The following SURF4 variants were observed in gnomAD, a reference collection of about 807,000 sequenced individuals.
SURF4 encodes the protein surfeit 4.
In SURF4, 3 loss-of-function variants were observed where a neutral mutation model predicts 30.0. That is an observed-to-expected ratio of 0.10 (90% CI 0.05 to 0.26). SURF4 has a LOEUF of 0.26. SURF4 is among the 10% of genes least tolerant of loss of function. SURF4 has a pLI of 1.00. For synonymous variants in SURF4, 143 were observed against 139.9 expected, an observed-to-expected ratio of 1.02 and a Z score of -0.16; for missense variants, 217 against 350.8, an observed-to-expected ratio of 0.62 and a Z score of 3.05.
Position 133,366,648 on chromosome 9 carries a change from T to C in SURF4, c.263A>G (p.Asn88Ser). ...LTGCVLVLSRNFVQYACFGLF... is the reference protein window; with the variant it reads ...LTGCVLVLSRSFVQYACFGLF... ...CCCGAAGCAGGCGTACTGCACGAAG[T>C]TCCTGCTCAACACCAGGACGCAGCC... Residue 88 changes from asparagine (N) to serine (S), a missense_variant, in exon 3 of 6, where the codon AAC becomes AGC. Physicochemically the swap from Asn to Ser is conservative, Grantham distance 46 (BLOSUM62 1). Coordinates refer to ENST00000371989, the MANE Select transcript of SURF4 (RefSeq NM_033161.4). The C allele has an allele frequency of 6.2e-7, 1 of 1,613,836 alleles. No homozygotes were observed.
In SURF4 at chr9:133,362,281, A is replaced by C. The variant is rs141898333; in HGVS notation, c.*1212T>G. The C allele has an allele frequency of 6.5e-6, 1 of 152,710 alleles. No homozygotes were observed. The highest frequency in any genetic ancestry group is 1.5e-5 in the Non-Finnish European group (1 of 68,026). 9.5% of individuals were successfully genotyped at this position (152,710 alleles called of 1,614,324 possible). A position where few individuals can be genotyped will look rare whatever the true frequency, so the allele number is the denominator to read the frequency against. On this transcript the variant is annotated 3_prime_UTR_variant, in exon 6 of 6. Coordinates refer to ENST00000371989, the MANE Select transcript of SURF4 (RefSeq NM_033161.4). ...CCTTGTGGCATTTACTATGGTGCAG[A>C]CGACAGGGAGCAACAAGCAGTTAAG...
At chr9:133,364,127 A>G (rs968463723) in intron 5 of SURF4, among the ~76,000 whole-genome samples, 1 of 152,222 alleles carries the variant, frequency 6.6e-6, no homozygotes, top group Non-Finnish European at 1.5e-5. Flanking sequence ...CTTCCTGGAC[A>G]CTACCCGGCC....
At chr9:133,377,222 TAAA>T (rs34210798), upstream of SURF4, among the ~76,000 whole-genome samples, 1 of 150,840 alleles carries the variant, frequency 6.6e-6, no homozygotes, top group Non-Finnish European at 1.5e-5. Context: ...TTTTTCAGAT[TAAA>T]AAAAAATAGA....
At chr9:133,375,836 G>C (rs1837881712) in intron 1 of SURF4, 86 bp downstream of exon 1, 1 of 1,188,326 alleles carries the variant, frequency 8.4e-7, no homozygotes, top group Admixed American at 4.4e-5. Flanking sequence ...CCCGGGCCTG[G>C]CGCCCTGCGC....
rs2130236392 is a variant in SURF4 at position 133,375,388 on chromosome 9, T to C, written c.48+534A>G. The C allele has an allele frequency of 3.7e-5, 36 of 985,420 alleles. No homozygotes were observed. The African/African-American group carries it at 5.6e-4, about 15-fold the overall frequency. The allele number at this position is 985,420 out of a possible 1,614,324, so 61.0% of individuals were successfully genotyped here. On this transcript the variant is annotated intron_variant, in intron 1 of 5. Coordinates refer to ENST00000371989, the MANE Select transcript of SURF4 (RefSeq NM_033161.4). Reference sequence around the variant, plus strand: ...AAAGGGACCCCAAGAGTCCAGCACATCTGGGAAAGAGAAAAGGAAAAGGTG... The same window carrying C: ...AAAGGGACCCCAAGAGTCCAGCACACCTGGGAAAGAGAAAAGGAAAAGGTG...
At position 133,365,042 on chromosome 9, in the gene SURF4, G is replaced by A. The variant is rs2130113036; in HGVS notation, c.357-16C>T. The A allele has an allele frequency of 6.6e-7, 1 of 1,519,016 alleles. No individual in the cohort carries two copies. Among genetic ancestry groups the A allele is most frequent in the East Asian group, 2.4e-5 (1 of 41,000 alleles). 94.1% of individuals were successfully genotyped at this position (1,519,016 alleles called of 1,614,324 possible). On this transcript the variant is annotated splice_polypyrimidine_tract_variant and intron_variant, in intron 4 of 5. Coordinates refer to ENST00000371989, the MANE Select transcript of SURF4 (RefSeq NM_033161.4). Reference sequence around the variant, plus strand: ...GGCCAGGTTCCTGAGGAACAGATATGTGGGCTGGAAGCTAAGCCTCACCAG... The same window carrying A: ...GGCCAGGTTCCTGAGGAACAGATATATGGGCTGGAAGCTAAGCCTCACCAG...
upstream of SURF4, chr9:133,376,338 C>A: frequency 7.3e-7 from 1 of 1,378,552 alleles, no homozygotes; most frequent in South Asian, 1.6e-5. Context: ...ACCTGGGGGT[C>A]TGGGGCCAGC....
intron 1 of SURF4, chr9:133,375,331 G>A (rs959456780): frequency 1.0e-6 from 1 of 983,388 alleles, no homozygotes; most frequent in Non-Finnish European, 1.2e-6. Context: ...CCAGGGCAGA[G>A]TCCAAACGGG....
rs1394828402 is a variant in SURF4 at position 133,366,504 on chromosome 9, AG to A, written c.312+94del. The A allele has an allele frequency of 2.9e-6, 4 of 1,360,308 alleles. No individual in the cohort carries two copies. The African/African-American group carries it at 4.3e-5, about 15-fold the overall frequency. 84.3% of individuals were successfully genotyped at this position (1,360,308 alleles called of 1,614,324 possible). On this transcript the variant is annotated intron_variant, in intron 3 of 5. Coordinates refer to ENST00000371989, the MANE Select transcript of SURF4 (RefSeq NM_033161.4). ...CAGTCAGAGACATGCAGGGGGCTGAAGGGGGAGTGACACTGAACCCTCAAGG... is the reference window on the plus strand; with the variant it reads ...CAGTCAGAGACATGCAGGGGGCTGAAGGGGAGTGACACTGAACCCTCAAGG...
At chr9:133,364,716 C>G in intron 5 of SURF4, 124 bp downstream of exon 5, 2 of 892,322 alleles carry the variant, frequency 2.2e-6, no homozygotes, top group South Asian at 3.6e-5. Context: ...AAAGTTTGCT[C>G]CATTTCAGCA....
chr9:133,376,245 C>T (rs2130246245), upstream of SURF4: 67 of 1,299,986 alleles, frequency 5.2e-5, no homozygotes, highest in Middle Eastern at 1.5e-3. Context: ...CCACGCCTCT[C>T]ACGCTGGAGG....
Position 133,363,838 on chromosome 9 carries a change from G to T in SURF4, c.544-79C>A. On this transcript the variant is annotated intron_variant, in intron 5 of 5. Coordinates refer to ENST00000371989, the MANE Select transcript of SURF4 (RefSeq NM_033161.4). This position sits in a 1 kb window ranked among gnomAD's most constrained non-coding sequence, Gnocchi z 4.3. The stretch of plus-strand genomic sequence containing the variant: ...TTTATAAACAAAAGTTCCAGCTGCT[G>T]CACGTCATGAAGTCTCTATCCATCA... 2 of 1,549,956 alleles carry T rather than the reference G, an allele frequency of 1.3e-6. No homozygotes were observed. Among genetic ancestry groups the T allele is most frequent in the Non-Finnish European group, 1.8e-6 (2 of 1,128,172 alleles).
At chr9:133,365,952 A>G in intron 4 of SURF4, 33 bp downstream of exon 4, 1 of 1,608,052 alleles carries the variant, frequency 6.2e-7, no homozygotes, top group South Asian at 1.1e-5. Context: ...CTGTAGAAGG[A>G]GCGTATACTA....
chr9:133,361,508 A>C lies in SURF4; in HGVS notation c.*1985T>G, dbSNP rs1439432289. On this transcript the variant is annotated 3_prime_UTR_variant, in exon 6 of 6. Transcript: ENST00000371989. ...TATTTTGATGTGTTTCCAAAAATCA[A>C]AACGTTTTCAAACACAACTAAGATA... The C allele has an allele frequency of 5.8e-6, 1 of 172,750 alleles. No individual in the cohort carries two copies. The highest frequency in any genetic ancestry group is 1.3e-5 in the Non-Finnish European group (1 of 79,790). 10.7% of individuals were successfully genotyped at this position (172,750 alleles called of 1,614,324 possible).
At position 133,373,909 on chromosome 9, in the gene SURF4, CA is replaced by C. The variant is rs71824689; in HGVS notation, c.48+2012del. On this transcript the variant is annotated intron_variant, in intron 1 of 5. Transcript: ENST00000371989. Reference sequence around the variant, plus strand: ...CTCCAGCCTGAGCGAAATTCTGTCTCAAAAAAAAAAAAAAAAAAAAAAAAAA... The same window carrying C: ...CTCCAGCCTGAGCGAAATTCTGTCTCAAAAAAAAAAAAAAAAAAAAAAAAA... 0.023 allele frequency among the ~76,000 whole-genome samples: 1,091 copies of C among 47,466 alleles called. 13 individuals are homozygous for C. The East Asian group carries it at 0.27, about 12-fold the overall frequency. 31.1% of individuals were successfully genotyped at this position (47,466 alleles called of 152,430 possible).
upstream of SURF4, chr9:133,376,214 C>T: frequency 7.8e-7 from 1 of 1,280,530 alleles, no homozygotes; most frequent in Non-Finnish European, 9.8e-7. Context: ...CCGCTCGAAG[C>T]CACGCCCGCC....
Position 133,376,053 on chromosome 9 carries a change from C to A in SURF4, c.-84G>T. The A allele has an allele frequency of 8.3e-7, 1 of 1,210,516 alleles. No individual in the cohort carries two copies. The highest frequency in any genetic ancestry group is 1.0e-6 in the Non-Finnish European group (1 of 973,518). The allele number at this position is 1,210,516 out of a possible 1,614,324, so 75.0% of individuals were successfully genotyped here. A position where few individuals can be genotyped will look rare whatever the true frequency, so the allele number is the denominator to read the frequency against. ...GCGCCCGCACCCGCTGCGGCCTCCA[C>A]AGGAAGTGCCCGGCGGCCGGCCTCG... On this transcript the variant is annotated 5_prime_UTR_variant, in exon 1 of 6. Transcript: ENST00000371989.
intron 1 of SURF4, among the ~76,000 whole-genome samples, chr9:133,373,140 C>G (rs2130203563): frequency 1.3e-5 from 2 of 152,260 alleles, no homozygotes; most frequent in South Asian, 4.1e-4. Context: ...GGGCTGGGGG[C>G]GCTGGGGACC....
At position 133,361,568 on chromosome 9, in the gene SURF4, T is replaced by C. The variant is rs1836805108; in HGVS notation, c.*1925A>G. 1 of 155,204 alleles carries C rather than the reference T, an allele frequency of 6.4e-6. No homozygotes were observed. The highest frequency in any genetic ancestry group is 1.9e-4 in the South Asian group (1 of 5,172). 9.6% of individuals were successfully genotyped at this position (155,204 alleles called of 1,614,324 possible). On this transcript the variant is annotated 3_prime_UTR_variant, in exon 6 of 6. Coordinates refer to ENST00000371989, the MANE Select transcript of SURF4 (RefSeq NM_033161.4). ...GCATAAAATGAGATTTAGATCTGTT[T>C]CCCACATAAAGCAAAAAAATCTTAG...
Sources: allele counts gnomAD v4.1 joint callset (sites outside exome capture counted in the v4.1 genomes callset), GRCh38; gene constraint gnomAD v4.1.1; non-coding constraint Gnocchi (gnomAD v3.1); transcripts MANE v1.5; gene names NCBI Gene and HGNC (gene_info 2026-07-23, HGNC 2026-07-21).